The following SNX29 variants were observed in gnomAD, a reference collection of about 807,000 sequenced individuals.
SNX29 encodes the protein sorting nexin-29.
Under a neutral mutation model 102.1 loss-of-function variants are expected in SNX29, and 78 were observed. The ratio of observed to expected loss-of-function variants is 0.76; its 90% CI spans 0.64 to 0.92. The LOEUF is 0.92. Among genes scored for constraint, SNX29 ranks in the 40% least tolerant of loss-of-function variants. SNX29 has a pLI of 0.00. For synonymous variants in SNX29, 580 were observed against 414.5 expected (o/e 1.40, Z -4.85); for missense variants, 1,280 against 1,061.7 (o/e 1.21, Z -2.86).
chr16:12,556,743 A>C (rs2078375946), intron 20 of SNX29, among the ~76,000 whole-genome samples: 1 of 152,206 alleles, frequency 6.6e-6, no homozygotes, highest in Non-Finnish European at 1.5e-5. Flanking sequence ...GTGAATAAAG[A>C]AAAATTAAGG....
chr16:12,047,742 C>G (rs2050146906), intron 6 of SNX29, among the ~76,000 whole-genome samples: 1 of 150,518 alleles, frequency 6.6e-6, no homozygotes, highest in East Asian at 2.0e-4. Flanking sequence ...ACCACAACCT[C>G]TGCCTCCTGG....
chr16:12,383,573 A>G (rs1193447679), intron 16 of SNX29, among the ~76,000 whole-genome samples: 1 of 151,504 alleles, frequency 6.6e-6, no homozygotes, highest in Admixed American at 6.6e-5. Context: ...AGTAGCTGGG[A>G]TTACAGGCGC....
rs114097466 is a variant in SNX29, at chr16:12,286,881, G to A, written c.1782+8845G>A. Among the ~76,000 whole-genome samples, 402 of 152,168 alleles carry A rather than the reference G, an allele frequency of 2.6e-3. 2 individuals carry two copies. Among genetic ancestry groups the A allele is most frequent in the African/African-American group, 8.9e-3 (368 of 41,502 alleles). On this transcript the variant is annotated intron_variant, in intron 15 of 20. Coordinates refer to ENST00000566228, the MANE Select transcript of SNX29 (RefSeq NM_032167.5). ...AGTATTTCAGAATCTATCTTTAAAA[G>A]ATAAGAGGTCTTTTAAAAACCCCAC...
At chr16:12,196,480 G>C (rs1240042175) in intron 13 of SNX29, among the ~76,000 whole-genome samples, 1 of 152,150 alleles carries the variant, frequency 6.6e-6, no homozygotes, top group East Asian at 1.9e-4. Flanking sequence ...GCTTTTACCT[G>C]TAAGGGGGTC....
At chr16:12,142,042 C>G (rs1024609350) in intron 13 of SNX29, among the ~76,000 whole-genome samples, 2 of 152,154 alleles carry the variant, frequency 1.3e-5, no homozygotes, top group Non-Finnish European at 2.9e-5. Flanking sequence ...GTCCCCACGG[C>G]CCCCAGTGAG....
chr16:12,510,444 C>G (rs564748588), intron 19 of SNX29, among the ~76,000 whole-genome samples: 1 of 152,062 alleles, frequency 6.6e-6, no homozygotes, highest in South Asian at 2.1e-4. Flanking sequence ...GAGGCTGAGG[C>G]GGGTGGATCA....
chr16:12,377,003 C>G (rs11639976), intron 16 of SNX29, among the ~76,000 whole-genome samples: 91,183 of 151,928 alleles, frequency 0.6, 31,347 homozygotes, highest in Middle Eastern at 0.8. Flanking sequence ...CTGGGGTTTT[C>G]TAACCAGGAG....
At chr16:12,164,905 C>G (rs915029270) in intron 13 of SNX29, among the ~76,000 whole-genome samples, 9 of 152,106 alleles carry the variant, frequency 5.9e-5, no homozygotes, top group African/African-American at 1.4e-4. Flanking sequence ...TCAGGCTGGT[C>G]TTGAACTCCT....
chr16:12,505,827 C>T (rs1033796004), intron 19 of SNX29, among the ~76,000 whole-genome samples: 5 of 149,666 alleles, frequency 3.3e-5, no homozygotes, highest in Non-Finnish European at 7.4e-5. Flanking sequence ...ATCTGCCAGT[C>T]AATTTGAGGA....
chr16:12,388,155 C>T (rs1380990841), intron 16 of SNX29, among the ~76,000 whole-genome samples: 1 of 152,162 alleles, frequency 6.6e-6, no homozygotes, highest in Non-Finnish European at 1.5e-5. Context: ...GAGATGAGCC[C>T]GAATTCTTTT....
At chr16:12,418,840 C>G (rs1317971413) in intron 18 of SNX29, among the ~76,000 whole-genome samples, 1 of 152,142 alleles carries the variant, frequency 6.6e-6, no homozygotes, top group Non-Finnish European at 1.5e-5. Context: ...CTTCACATGC[C>G]TGGTGTCAGT....
chr16:12,330,724 G>A (rs1019581688), intron 15 of SNX29, among the ~76,000 whole-genome samples: 3 of 152,214 alleles, frequency 2.0e-5, no homozygotes, highest in African/African-American at 7.2e-5. Flanking sequence ...TTTCAGGGCT[G>A]AGGGTGGCAT....
chr16:12,555,639 C>T (rs1002087579), intron 20 of SNX29, among the ~76,000 whole-genome samples: 4 of 152,052 alleles, frequency 2.6e-5, no homozygotes, highest in African/African-American at 9.7e-5. Context: ...TGAGTAACCC[C>T]ACTGATGCCA....
rs1246934288 is a variant in SNX29 at position 12,530,957 on chromosome 16, C to T, written c.2318+6116C>T. The stretch of plus-strand genomic sequence containing the variant: ...TTATTTCACCCTTGCTCTACTTGAA[C>T]AGTTAAGAGGTTTCCAGATTTTTCT... On this transcript the variant is annotated intron_variant, in intron 20 of 20. Coordinates refer to ENST00000566228, the MANE Select transcript of SNX29 (RefSeq NM_032167.5). 2.6e-5 allele frequency among the ~76,000 whole-genome samples: 4 copies of T among 152,316 alleles called. No individual in the cohort carries two copies. The East Asian group carries it at 5.8e-4, about 22-fold the overall frequency.
intron 15 of SNX29, among the ~76,000 whole-genome samples, chr16:12,335,168 T>C (rs1327601723): frequency 6.6e-6 from 1 of 151,990 alleles, no homozygotes; most frequent in African/African-American, 2.4e-5. Context: ...TCCAGGAAGG[T>C]GGATCATCAT....
At chr16:12,239,752 C>T (rs558794758) in intron 14 of SNX29, among the ~76,000 whole-genome samples, 1 of 150,638 alleles carries the variant, frequency 6.6e-6, no homozygotes, top group South Asian at 2.1e-4. Context: ...CCCAGGAGAT[C>T]AGGGCTACCG....
At chr16:12,099,405 G>A (rs188632269) in intron 11 of SNX29, among the ~76,000 whole-genome samples, 219 of 152,282 alleles carry the variant, frequency 1.4e-3, no homozygotes, top group Middle Eastern at 3.4e-3. Context: ...GCTCGTAGGG[G>A]AGTTGGGTAT....
chr16:12,567,174 G>C lies in SNX29; in HGVS notation c.2319-1332G>C, dbSNP rs189147249. ...GATACAGCTGGGGGTGGATGTTCCT[G>C]ATCTGACATTCTCACTTGGCATCTT... On this transcript the variant is annotated intron_variant, in intron 20 of 20. Transcript: ENST00000566228. Among the ~76,000 whole-genome samples the C allele has an allele frequency of 6.3e-4, 96 of 152,326 alleles. 1 individual carries two copies. Among genetic ancestry groups the C allele is most frequent in the African/African-American group, 2.2e-3 (91 of 41,560 alleles).
intron 8 of SNX29, among the ~76,000 whole-genome samples, chr16:12,054,748 ATC>A (rs894557716): frequency 1.3e-5 from 2 of 152,052 alleles, no homozygotes; most frequent in African/African-American, 4.8e-5. Context: ...CTGTATTTGT[ATC>A]TCTCTGTCTC....
Sources: allele counts gnomAD v4.1 joint callset (sites outside exome capture counted in the v4.1 genomes callset), GRCh38; gene constraint gnomAD v4.1.1; transcripts MANE v1.5; gene names NCBI Gene and HGNC (gene_info 2026-07-23, HGNC 2026-07-21).